ABTB2: variants seen among roughly 807,000 people sequenced by gnomAD.
ABTB2 encodes ankyrin repeat and BTB domain containing 2, also known as ankyrin repeat and BTB/POZ domain-containing protein 2.
In ABTB2, 56 loss-of-function variants were observed where a neutral mutation model predicts 104.1. The observed-to-expected ratio is 0.54, with a 90% confidence interval of 0.43 to 0.67. ABTB2 has a LOEUF of 0.67. Ranked by LOEUF, ABTB2 falls within the 30% of genes least tolerant of loss-of-function variation. The pLI is 0.00. For synonymous variants in ABTB2, 606 were observed against 608.2 expected, an observed-to-expected ratio of 1.00 and a Z score of 0.05; for missense variants, 1,279 against 1,407.7, an observed-to-expected ratio of 0.91 and a Z score of 1.46.
intron 1 of ABTB2, among the ~76,000 whole-genome samples, chr11:34,318,154 A>G (rs1854961859): frequency 6.6e-6 from 1 of 152,072 alleles, no homozygotes; most frequent in South Asian, 2.1e-4. Flanking sequence ...TTTTTAGTAG[A>G]GACAAGCTTT....
chr11:34,224,155 A>G (rs908304984), intron 1 of ABTB2, among the ~76,000 whole-genome samples: 1 of 152,142 alleles, frequency 6.6e-6, no homozygotes, highest in Non-Finnish European at 1.5e-5. Context: ...GAAAACTACA[A>G]GTGTATGCCA....
intron 1 of ABTB2, among the ~76,000 whole-genome samples, chr11:34,339,522 G>T (rs1441650661): frequency 6.6e-6 from 1 of 152,202 alleles, no homozygotes; most frequent in Non-Finnish European, 1.5e-5. Flanking sequence ...ACGATGGTGT[G>T]GTCGCCTGGG....
chr11:34,161,244 C>T (rs1457608007), intron 10 of ABTB2, among the ~76,000 whole-genome samples, 163 bp from the exon 11 acceptor site: 1 of 152,118 alleles, frequency 6.6e-6, no homozygotes, highest in African/African-American at 2.4e-5. Flanking sequence ...TGGAGTGGCC[C>T]TCTCAGGATG....
At chr11:34,224,518 T>G (rs545604760) in intron 1 of ABTB2, among the ~76,000 whole-genome samples, 1 of 152,248 alleles carries the variant, frequency 6.6e-6, no homozygotes, top group East Asian at 1.9e-4. Context: ...TTCTATCAAG[T>G]GACTGGCTGC....
chr11:34,162,917 G>T, intron 9 of ABTB2, 112 bp from the exon 10 acceptor site: 1 of 1,054,978 alleles, frequency 9.5e-7, no homozygotes, highest in Non-Finnish European at 1.3e-6. Flanking sequence ...GGTACCCGAG[G>T]GCTCGGAGTT....
At chr11:34,314,592 C>T (rs1477274462) in intron 1 of ABTB2, among the ~76,000 whole-genome samples, 1 of 152,182 alleles carries the variant, frequency 6.6e-6, no homozygotes, top group Non-Finnish European at 1.5e-5. Flanking sequence ...TGATGGCTCT[C>T]TTTTGAGAGG....
In ABTB2 at chr11:34,356,903, T is replaced by C. The variant is rs771658920; in HGVS notation, c.681A>G (p.Ala227=). The C allele has an allele frequency of 4.5e-5, 72 of 1,602,808 alleles. No homozygotes were observed. The highest frequency in any genetic ancestry group is 6.0e-5 in the Non-Finnish European group (71 of 1,174,672). ...TRISVRIHEY[A]AISLTACMEN... ...CCATGCAGGCGGTGAGGGAGATGGC[T>C]GCGTACTCGTGGATGCGCACGGAGA... Residue 227 remains alanine, a synonymous_variant, in exon 1 of 17, where the codon GCA becomes GCG. Transcript: ENST00000435224. The surrounding 1 kb of genome is among the most constrained non-coding windows in gnomAD (Gnocchi z 4.6).
Position 34,152,421 on chromosome 11 carries a change from C to T in ABTB2, c.3044G>A (p.Arg1015His), listed in dbSNP as rs377195382. The change falls in exon 17 of 17, where the codon CGC becomes CAC. Residue 1015 changes from arginine to histidine, a missense_variant. By Grantham distance (29) the Arg-to-His change is conservative. Coordinates refer to ENST00000435224, the MANE Select transcript of ABTB2 (RefSeq NM_145804.3). The part of the protein sequence containing the change: ...LQDLQNTLAE[R>H]VHSVYITSRV ...GGAGGTGATGTAGACAGAGTGCACG[C>T]GCTCTGCCAGGGTGTTCTGCAGGTC... 64 of 1,586,994 alleles carry T rather than the reference C, an allele frequency of 4.0e-5. No individual in the cohort carries two copies. The African/African-American group carries it at 5.5e-4, about 14-fold the overall frequency.
intron 3 of ABTB2, chr11:34,189,273 A>G (rs543830049): frequency 5.3e-5 from 8 of 152,276 alleles, no homozygotes; most frequent in Non-Finnish European, 1.2e-4. Flanking sequence ...TGACTAGCCA[A>G]AAGAAAAGAA....
chr11:34,266,392 A>T (rs1474708553), intron 1 of ABTB2, among the ~76,000 whole-genome samples: 1 of 152,184 alleles, frequency 6.6e-6, no homozygotes, highest in Non-Finnish European at 1.5e-5. Context: ...GCCTCTACTT[A>T]TATGACTCTA....
chr11:34,171,468 G>A (rs2133015460), intron 4 of ABTB2, among the ~76,000 whole-genome samples: 1 of 152,234 alleles, frequency 6.6e-6, no homozygotes, highest in Middle Eastern at 3.4e-3. Context: ...CTACTAATCA[G>A]GAGTCTGAGG....
intron 3 of ABTB2, among the ~76,000 whole-genome samples, chr11:34,194,968 G>C (rs1359477768): frequency 6.6e-6 from 1 of 151,754 alleles, no homozygotes; most frequent in Non-Finnish European, 1.5e-5. Context: ...TAACCACATA[G>C]GGCTGTGCAA....
intron 1 of ABTB2, among the ~76,000 whole-genome samples, chr11:34,215,949 TA>T (rs557784648): frequency 0.019 from 2,863 of 151,780 alleles, 49 homozygotes; most frequent in South Asian, 0.038. Flanking sequence ...CACAGTGATT[TA>T]AAAAAAAATT....
chr11:34,342,663 C>G (rs1238850944), intron 1 of ABTB2, among the ~76,000 whole-genome samples: 1 of 152,150 alleles, frequency 6.6e-6, no homozygotes, highest in African/African-American at 2.4e-5. Flanking sequence ...AAAAGTTTGA[C>G]CCACGGTAGG....
chr11:34,218,698 A>C (rs1853577453), intron 1 of ABTB2, among the ~76,000 whole-genome samples: 2 of 151,838 alleles, frequency 1.3e-5, no homozygotes, highest in South Asian at 4.2e-4. Context: ...AAAAACACAA[A>C]ATTAGCCAGG....
intron 1 of ABTB2, among the ~76,000 whole-genome samples, chr11:34,343,560 T>C (rs143568710): frequency 9.2e-5 from 14 of 152,094 alleles, no homozygotes; most frequent in African/African-American, 3.4e-4. Context: ...CTGCAACCTC[T>C]GCCTCCCAGG....
chr11:34,187,635 T>A (rs1201742542), intron 3 of ABTB2, among the ~76,000 whole-genome samples: 1 of 152,076 alleles, frequency 6.6e-6, no homozygotes, highest in Non-Finnish European at 1.5e-5. Context: ...TAGCTAGGAC[T>A]ACAGGCATGC....
At position 34,154,425 on chromosome 11, in the gene ABTB2, T is replaced by G; in HGVS notation, c.2767-47A>C. On this transcript the variant is annotated intron_variant, in intron 15 of 16. Coordinates refer to ENST00000435224, the MANE Select transcript of ABTB2 (RefSeq NM_145804.3). The surrounding 1 kb of genome is among the most constrained non-coding windows in gnomAD (Gnocchi z 4.9). The stretch of plus-strand genomic sequence containing the variant: ...TCTTGGGGACCCATGGCCAGACCAG[T>G]GGCCCAGACAGCACCGAACAGAAAG... 7.2e-7 allele frequency: 1 copy of G among 1,398,262 alleles called. No homozygotes were observed. Among genetic ancestry groups the G allele is most frequent in the Non-Finnish European group, 1.0e-6 (1 of 999,950 alleles). The allele number at this position is 1,398,262 out of a possible 1,614,324, so 86.6% of individuals were successfully genotyped here. A position where few individuals can be genotyped will look rare whatever the true frequency, so the allele number is the denominator to read the frequency against.
intron 1 of ABTB2, among the ~76,000 whole-genome samples, chr11:34,264,118 CGA>C (rs1201869063): frequency 6.6e-6 from 1 of 152,152 alleles, no homozygotes; most frequent in Non-Finnish European, 1.5e-5. Context: ...AGAAAAAGGG[CGA>C]GAGTTTTAGG....
Sources: gnomAD v4.1 joint callset for allele counts (sites outside exome capture counted in the v4.1 genomes callset) on GRCh38, gnomAD v4.1.1 for gene constraint, Gnocchi (gnomAD v3.1) non-coding constraint, MANE v1.5 for transcripts, NCBI Gene and HGNC (gene_info 2026-07-23, HGNC 2026-07-21) for gene names.